The following VCPIP1 variants were observed in gnomAD, a reference collection of about 807,000 sequenced individuals.
VCPIP1 encodes the protein deubiquitinating protein VCPIP1.
VCPIP1 carries 8 observed loss-of-function variants against 85.0 expected under a neutral mutation model. That is an observed-to-expected ratio of 0.09 (90% CI 0.06 to 0.17). The LOEUF is 0.17. Ranked by LOEUF, VCPIP1 falls within the 10% of genes least tolerant of loss-of-function variation. The pLI is 1.00. For missense variants in VCPIP1, 1,070 were observed against 1,486.3 expected (o/e 0.72, Z 4.61); for synonymous variants, 543 against 544.5 (o/e 1.00, Z 0.04).
intron 1 of VCPIP1, among the ~76,000 whole-genome samples, chr8:66,656,076 A>C (rs1811097166): frequency 6.6e-6 from 1 of 152,136 alleles, no homozygotes; most frequent in African/African-American, 2.4e-5. Context: ...AAATATGTTA[A>C]AATACATTTT....
rs765363774 is a variant in VCPIP1, at chr8:66,664,979, G to A, written c.1980C>T (p.Pro660=). 4.3e-6 allele frequency: 7 copies of A among 1,613,356 alleles called. No individual in the cohort carries two copies. The highest frequency in any genetic ancestry group is 4.5e-5 in the East Asian group (2 of 44,860). ...TILHQTAKKN[P]DDYTPVNIDG... is the part of the protein sequence containing the mutation. ...CTATATTTACAGGAGTATAATCATCGGGATTCTTTTTGGCAGTCTGATGCA... is the reference window on the plus strand; with the variant it reads ...CTATATTTACAGGAGTATAATCATCAGGATTCTTTTTGGCAGTCTGATGCA... Residue 660 remains proline (P), a synonymous_variant, in exon 1 of 3, where the codon CCC becomes CCT. Transcript: ENST00000310421.
intron 1 of VCPIP1, 101 bp downstream of exon 1, chr8:66,664,148 C>G: frequency 1.5e-6 from 2 of 1,351,054 alleles, no homozygotes; most frequent in Non-Finnish European, 1.9e-6. Context: ...TAATTAAAAA[C>G]TTACAATGGC....
intron 1 of VCPIP1, among the ~76,000 whole-genome samples, chr8:66,661,827 G>A (rs553593848): frequency 5.4e-5 from 8 of 147,112 alleles, no homozygotes; most frequent in Non-Finnish European, 9.0e-5. Context: ...GCAGTGGCAC[G>A]ATCTCGGCTC....
Position 66,634,740 on chromosome 8 carries a change from C to G in VCPIP1, c.3430G>C (p.Val1144Leu), listed in dbSNP as rs769232849. 2 of 1,614,102 alleles carry G rather than the reference C, an allele frequency of 1.2e-6. No individual in the cohort carries two copies. The highest frequency in any genetic ancestry group is 3.3e-5 in the Admixed American group (2 of 60,006). Reference protein sequence around the residue: ...SDLPQRKTEVVSSSAKSGSLQ... With the variant: ...SDLPQRKTEVLSSSAKSGSLQ... ...CTCCCAGACTTTGCAGAAGAACTCACAACTTCTGTTTTCCTTTGAGGAAGA... is the reference window on the plus strand; with the variant it reads ...CTCCCAGACTTTGCAGAAGAACTCAGAACTTCTGTTTTCCTTTGAGGAAGA... The change falls in exon 3 of 3, where the codon GTG becomes CTG. Residue 1144 changes from valine to leucine, a missense_variant. By Grantham distance (32) the Val-to-Leu change is conservative (BLOSUM62 1). Coordinates refer to ENST00000310421, the MANE Select transcript of VCPIP1 (RefSeq NM_025054.5).
Position 66,665,225 on chromosome 8 carries a change from G to A in VCPIP1, c.1734C>T (p.His578=). 1 of 1,614,120 alleles carries A rather than the reference G, an allele frequency of 6.2e-7. No homozygotes were observed. The highest frequency in any genetic ancestry group is 8.5e-7 in the Non-Finnish European group (1 of 1,179,996). The part of the protein sequence containing the change: ...TGGKCGCGFK[H]FWDGKEYDNL... ...TGTCATACTCCTTACCATCCCAAAAGTGTTTGAATCCACAACCACATTTGC... is the reference window on the plus strand; with the variant it reads ...TGTCATACTCCTTACCATCCCAAAAATGTTTGAATCCACAACCACATTTGC... The change falls in exon 1 of 3, where the codon CAC becomes CAT. Residue 578 remains histidine, a synonymous_variant. Transcript: ENST00000310421. This position sits in a 1 kb window ranked among gnomAD's most constrained non-coding sequence, Gnocchi z 4.3.
chr8:66,630,780 GAACTGA>G lies in VCPIP1; in HGVS notation c.*3715_*3720del, dbSNP rs1225140935. 1 of 152,592 alleles carries G rather than the reference GAACTGA, an allele frequency of 6.6e-6. No homozygotes were observed. Among genetic ancestry groups the G allele is most frequent in the East Asian group, 1.9e-4 (1 of 5,186 alleles). The allele number at this position is 152,592 out of a possible 1,614,324, so 9.5% of individuals were successfully genotyped here. The stretch of plus-strand genomic sequence containing the variant: ...CCACGATTTAAGTATCATTAAATAT[GAACTGA>G]AACACTTAGCATCTCAAAGAATTAT... On this transcript the variant is annotated 3_prime_UTR_variant, in exon 3 of 3. Transcript: ENST00000310421.
In VCPIP1 at chr8:66,666,419, A is replaced by G; in HGVS notation, c.540T>C (p.Tyr180=). 1.2e-6 allele frequency: 2 copies of G among 1,614,144 alleles called. No individual in the cohort carries two copies. The highest frequency in any genetic ancestry group is 1.7e-6 in the Non-Finnish European group (2 of 1,180,028). Residue 180 remains tyrosine, a synonymous_variant, in exon 1 of 3, where the codon TAT becomes TAC. Coordinates refer to ENST00000310421, the MANE Select transcript of VCPIP1 (RefSeq NM_025054.5). This position sits in a 1 kb window ranked among gnomAD's most constrained non-coding sequence, Gnocchi z 6.3. The part of the protein sequence containing the change: ...IEPEHVNTVG[Y]GKDRSGSLLY... ...GGAGGCTTCCGGAGCGGTCCTTGCCATAGCCCACAGTGTTAACATGCTCTG... is the reference window on the plus strand; with the variant it reads ...GGAGGCTTCCGGAGCGGTCCTTGCCGTAGCCCACAGTGTTAACATGCTCTG...
rs1810830456 is a variant in VCPIP1 at position 66,631,098 on chromosome 8, A to C, written c.*3403T>G. The C allele has an allele frequency of 1.3e-5, 2 of 152,144 alleles. No individual in the cohort carries two copies. The highest frequency in any genetic ancestry group is 4.1e-4 in the South Asian group (2 of 4,834). The allele number at this position is 152,144 out of a possible 1,614,324, so 9.4% of individuals were successfully genotyped here. On this transcript the variant is annotated 3_prime_UTR_variant, in exon 3 of 3. Coordinates refer to ENST00000310421, the MANE Select transcript of VCPIP1 (RefSeq NM_025054.5). ...CATTAAGATAGGTGGAATTTAATCCAATTTTGCAAAGGCTTTGTGTTTATA... is the reference window on the plus strand; with the variant it reads ...CATTAAGATAGGTGGAATTTAATCCCATTTTGCAAAGGCTTTGTGTTTATA...
At chr8:66,659,355 T>G (rs1811133689) in intron 1 of VCPIP1, among the ~76,000 whole-genome samples, 1 of 152,128 alleles carries the variant, frequency 6.6e-6, no homozygotes, top group Non-Finnish European at 1.5e-5. Context: ...ATATAAATAA[T>G]GAAGATGACT....
chr8:66,635,863 A>G (rs573460846), intron 2 of VCPIP1, among the ~76,000 whole-genome samples: 8 of 147,308 alleles, frequency 5.4e-5, no homozygotes, highest in Non-Finnish European at 1.2e-4. Flanking sequence ...CAGTGAGCTG[A>G]GATTGCGGCA....
intron 1 of VCPIP1, among the ~76,000 whole-genome samples, chr8:66,653,089 G>A (rs1029800486): frequency 3.3e-5 from 5 of 152,136 alleles, no homozygotes; most frequent in African/African-American, 1.2e-4. Flanking sequence ...CACTATACCA[G>A]CTTAAAGTAG....
In VCPIP1 at chr8:66,664,283, T is replaced by G; in HGVS notation, c.2676A>C (p.Glu892Asp). Reference protein sequence around the residue: ...SKELQEQAEKEMYSLCLLATL... With the variant: ...SKELQEQAEKDMYSLCLLATL... ...TTGCTAAAAGACACAAGGAGTACAT[T>G]TCTTTTTCAGCTTGCTCCTGAAGTT... The change falls in exon 1 of 3, where the codon GAA becomes GAC. Residue 892 changes from glutamate (E) to aspartate (D), a missense_variant. Around this residue, in one of 8 missense-constraint regions of VCPIP1, gnomAD observed 278 missense variants for 298.5 expected, o/e 0.93. Transcript: ENST00000310421. 3 of 1,597,682 alleles carry G rather than the reference T, an allele frequency of 1.9e-6. No homozygotes were observed. The highest frequency in any genetic ancestry group is 2.6e-6 in the Non-Finnish European group (3 of 1,170,092).
chr8:66,628,592 T>C lies in VCPIP1; in HGVS notation c.*5909A>G, dbSNP rs1352498475. On this transcript the variant is annotated 3_prime_UTR_variant, in exon 3 of 3. Coordinates refer to ENST00000310421, the MANE Select transcript of VCPIP1 (RefSeq NM_025054.5). ...AGCCAGACAATAAAAATAAAATCCA[T>C]AATGAGCTGTTATAAGTAGGATGTT... 1 of 152,216 alleles carries C rather than the reference T, an allele frequency of 6.6e-6. No individual in the cohort carries two copies. Among genetic ancestry groups the C allele is most frequent in the African/African-American group, 2.4e-5 (1 of 41,462 alleles). 9.4% of individuals were successfully genotyped at this position (152,216 alleles called of 1,614,324 possible). A position where few individuals can be genotyped will look rare whatever the true frequency, so the allele number is the denominator to read the frequency against.
At chr8:66,661,035 C>T (rs1328596220) in intron 1 of VCPIP1, among the ~76,000 whole-genome samples, 2 of 151,916 alleles carry the variant, frequency 1.3e-5, no homozygotes, top group Non-Finnish European at 2.9e-5. Context: ...CTGCGAGACT[C>T]TGTCTCAAAA....
At chr8:66,658,637 C>T (rs1447464522) in intron 1 of VCPIP1, among the ~76,000 whole-genome samples, 2 of 151,848 alleles carry the variant, frequency 1.3e-5, no homozygotes, top group African/African-American at 2.4e-5. Context: ...TACAGGCGAG[C>T]GCCATCATGC....
Position 66,666,752 on chromosome 8 carries a change from C to T in VCPIP1, c.207G>A (p.Glu69=), listed in dbSNP as rs775796123. The change falls in exon 1 of 3, where the codon GAG becomes GAA. Residue 69 remains glutamate (E), a synonymous_variant. Coordinates refer to ENST00000310421, the MANE Select transcript of VCPIP1 (RefSeq NM_025054.5). This position sits in a 1 kb window ranked among gnomAD's most constrained non-coding sequence, Gnocchi z 6.3. ...FFPASGSVSI[E]CTECGQRHEQ... ...CGTGCCGCTGGCCGCACTCGGTACA[C>T]TCGATGCTGACAGAACCGGAGGCCG... The T allele has an allele frequency of 3.7e-6, 6 of 1,613,872 alleles. No individual in the cohort carries two copies.
chr8:66,657,815 G>A (rs1811114666), intron 1 of VCPIP1, among the ~76,000 whole-genome samples: 1 of 152,050 alleles, frequency 6.6e-6, no homozygotes, highest in Non-Finnish European at 1.5e-5. Context: ...AAAGTAGTTG[G>A]AACAGAATCT....
rs780127903 is a variant in VCPIP1, at chr8:66,635,381, G to T, written c.2798-9C>A. On this transcript the variant is annotated splice_polypyrimidine_tract_variant and intron_variant, in intron 2 of 2. Coordinates refer to ENST00000310421, the MANE Select transcript of VCPIP1 (RefSeq NM_025054.5). ...CTTGCCATCAGCCATACCTAAAAAG[G>T]GGAAAAGATATTTAACATATTAAAA... 5 of 1,590,178 alleles carry T rather than the reference G, an allele frequency of 3.1e-6. No homozygotes were observed. The African/African-American group carries it at 6.8e-5, about 22-fold the overall frequency.
intron 1 of VCPIP1, among the ~76,000 whole-genome samples, chr8:66,662,775 G>C (rs1011998532): frequency 7.3e-5 from 11 of 151,262 alleles, no homozygotes; most frequent in Non-Finnish European, 1.2e-4. Context: ...TCCAACTCCG[G>C]GGTTGAAGCG....
Sources: allele counts gnomAD v4.1 joint callset (sites outside exome capture counted in the v4.1 genomes callset), GRCh38; gene constraint gnomAD v4.1.1; regional missense constraint gnomAD v4.1.1; non-coding constraint Gnocchi (gnomAD v3.1); transcripts MANE v1.5; gene names NCBI Gene and HGNC (gene_info 2026-07-23, HGNC 2026-07-21).